CSN3: variants seen among roughly 807,000 people sequenced by gnomAD.
CSN3 encodes casein kappa, also known as kappa-casein.
Under a neutral mutation model 9.9 loss-of-function variants are expected in CSN3, and 7 were observed. That is an observed-to-expected ratio of 0.71 (90% confidence interval 0.40 to 1.33). CSN3 has a LOEUF of 1.33. Ranked by LOEUF, CSN3 falls within the 40% of genes most tolerant of loss-of-function variation. The probability of loss-of-function intolerance (pLI) is 0.01; values close to 1 mark genes in which losing one functional copy is unlikely to be tolerated. For missense variants in CSN3, 253 were observed against 227.9 expected (o/e 1.11, Z -0.71); for synonymous variants, 88 against 82.3 (o/e 1.07, Z -0.37).
At chr4:70,249,535 C>G (rs1730446198) in intron 4 of CSN3, 42 bp downstream of exon 4, 1 of 1,147,252 alleles carries the variant, frequency 8.7e-7, no homozygotes, top group African/African-American at 1.5e-5. Flanking sequence ...CGACAAGAAG[C>G]ATGGATTTAT....
upstream of CSN3, among the ~76,000 whole-genome samples, chr4:70,239,032 G>T (rs1296974034): frequency 6.6e-6 from 1 of 151,900 alleles, no homozygotes; most frequent in Admixed American, 6.6e-5. Flanking sequence ...GAAGGCAATA[G>T]CCTACTGATG....
intron 1 of CSN3, chr4:70,243,299 G>T (rs1039849858): frequency 3.5e-5 from 9 of 260,588 alleles, no homozygotes; most frequent in Non-Finnish European, 5.4e-5. Context: ...GAACTGATAA[G>T]GGGTCTGTGA....
chr4:70,247,855 G>A lies in CSN3; in HGVS notation c.87+5G>A, dbSNP rs1730410920. The A allele has an allele frequency of 6.3e-7, 1 of 1,593,676 alleles. No individual in the cohort carries two copies. The highest frequency in any genetic ancestry group is 1.2e-5 in the South Asian group (1 of 86,530). Reference sequence around the variant, plus strand: ...CAAAACCAGAAACAACCAGCAGTAAGTCTATTTTAATTACTTCTGTTACAG... The same window carrying A: ...CAAAACCAGAAACAACCAGCAGTAAATCTATTTTAATTACTTCTGTTACAG... On this transcript the variant is annotated splice_donor_5th_base_variant and intron_variant, in intron 3 of 4. Coordinates refer to ENST00000304954, the Ensembl canonical transcript of CSN3.
intron 3 of CSN3, 24 bp downstream of exon 3, chr4:70,247,874 G>A (rs779036056): frequency 2.5e-6 from 4 of 1,582,896 alleles, no homozygotes; most frequent in Non-Finnish European, 3.4e-6. Context: ...AATTACTTCT[G>A]TTACAGGCAT....
Position 70,248,979 on chromosome 4 carries a change from T to A in CSN3, c.88-19T>A, listed in dbSNP as rs751193336. ...GGGTCTATAATAATAATATTCTGTA[T>A]AATTTATTTTTTTTGCAGTGCCATG... On this transcript the variant is annotated intron_variant, in intron 3 of 4. Coordinates refer to ENST00000304954, the Ensembl canonical transcript of CSN3. The A allele has an allele frequency of 4.6e-6, 7 of 1,510,066 alleles. No homozygotes were observed. Among genetic ancestry groups the A allele is most frequent in the East Asian group, 4.6e-5 (2 of 43,784 alleles). The allele number at this position is 1,510,066 out of a possible 1,614,324, so 93.5% of individuals were successfully genotyped here. A position where few individuals can be genotyped will look rare whatever the true frequency, so the allele number is the denominator to read the frequency against.
chr4:70,250,371 C>T (rs1454699459), intron 4 of CSN3, among the ~76,000 whole-genome samples: 1 of 152,094 alleles, frequency 6.6e-6, no homozygotes, highest in Non-Finnish European at 1.5e-5. Context: ...TATCATGGGA[C>T]TACCATTAGC....
At chr4:70,251,087 C>T (rs1730473642) in intron 4 of CSN3, among the ~76,000 whole-genome samples, 175 bp from the exon 5 acceptor site, 1 of 151,970 alleles carries the variant, frequency 6.6e-6, no homozygotes, top group Non-Finnish European at 1.5e-5. Flanking sequence ...TACATAATGT[C>T]TATTATTTTC....
At chr4:70,239,119 T>C (rs1408332577), upstream of CSN3, among the ~76,000 whole-genome samples, 1 of 151,666 alleles carries the variant, frequency 6.6e-6, no homozygotes, top group African/African-American at 2.4e-5. Context: ...AGAGTGGTGG[T>C]GGATGCTGGA....
At chr4:70,242,315 T>C (rs1314584265), upstream of CSN3, among the ~76,000 whole-genome samples, 2 of 113,128 alleles carry the variant, frequency 1.8e-5, no homozygotes, top group Non-Finnish European at 4.2e-5. Flanking sequence ...TTTATTTTAT[T>C]TTATTTTTAT....
chr4:70,250,636 TA>T (rs1161693663), intron 4 of CSN3, among the ~76,000 whole-genome samples: 1 of 152,132 alleles, frequency 6.6e-6, no homozygotes, highest in African/African-American at 2.4e-5. Context: ...ATTCCCATAG[TA>T]ACCATATGAA....
chr4:70,249,480 A>C (rs1451779037), exon 4 of CSN3: 1 of 1,570,114 alleles, frequency 6.4e-7, no homozygotes, highest in East Asian at 2.2e-5. Context: ...GAAATATCAA[A>C]GAACACAACG....
exon 4 of CSN3, chr4:70,249,405 C>A (rs745513111): frequency 6.2e-7 from 1 of 1,613,926 alleles, no homozygotes; most frequent in Non-Finnish European, 8.5e-7. Flanking sequence ...CAGAGTCCAT[C>A]ATCACGAGCA....
rs531127258 is a variant in CSN3 at position 70,246,525 on chromosome 4, A to G, written c.55-1293A>G. Among the ~76,000 whole-genome samples, 99 of 152,230 alleles carry G rather than the reference A, an allele frequency of 6.5e-4. 1 individual carries two copies. Among genetic ancestry groups the G allele is most frequent in the Non-Finnish European group, 7.4e-5 (5 of 68,014 alleles). Reference sequence around the variant, plus strand: ...TGAAACCTATGATATAAATAAAAAAAAGAGACACCACATTTCCTATAAAAA... The same window carrying G: ...TGAAACCTATGATATAAATAAAAAAGAGAGACACCACATTTCCTATAAAAA... On this transcript the variant is annotated intron_variant, in intron 2 of 4. Transcript: ENST00000304954.
intron 3 of CSN3, 87 bp from the exon 4 acceptor site, chr4:70,248,911 T>C: frequency 1.1e-6 from 1 of 924,352 alleles, no homozygotes; most frequent in South Asian, 1.9e-5. Flanking sequence ...TGGTAAATAC[T>C]ATATTATTTC....
At chr4:70,245,927 C>T (rs1388485427) in intron 2 of CSN3, among the ~76,000 whole-genome samples, 2 of 152,106 alleles carry the variant, frequency 1.3e-5, no homozygotes, top group African/African-American at 4.8e-5. Flanking sequence ...AGTAATAGGG[C>T]TTAAAGTTTA....
upstream of CSN3, among the ~76,000 whole-genome samples, chr4:70,241,284 A>T (rs937656916): frequency 6.6e-6 from 1 of 152,000 alleles, no homozygotes; most frequent in African/African-American, 2.4e-5. Flanking sequence ...AAATTCTGTC[A>T]TCTCTTTTTG....
chr4:70,240,619 C>T (rs1418469154), upstream of CSN3, among the ~76,000 whole-genome samples: 3 of 151,900 alleles, frequency 2.0e-5, no homozygotes, highest in African/African-American at 7.2e-5. Context: ...ATTATAGAAT[C>T]CATCTAATTC....
intron 1 of CSN3, among the ~76,000 whole-genome samples, chr4:70,244,365 G>A (rs576756414): frequency 3.3e-5 from 5 of 152,062 alleles, no homozygotes; most frequent in African/African-American, 1.2e-4. Context: ...ATACTGCATA[G>A]GCAAGCCTCA....
At chr4:70,241,572 A>G (rs1730270590), upstream of CSN3, among the ~76,000 whole-genome samples, 1 of 152,064 alleles carries the variant, frequency 6.6e-6, no homozygotes, top group Non-Finnish European at 1.5e-5. Flanking sequence ...TCTTTAGAAA[A>G]GCAAGTAAAA....
Sources: allele counts gnomAD v4.1 joint callset (sites outside exome capture counted in the v4.1 genomes callset), GRCh38; gene constraint gnomAD v4.1.1; transcripts MANE v1.5; gene names NCBI Gene and HGNC (gene_info 2026-07-23, HGNC 2026-07-21).